SPTLC3: variants seen among roughly 807,000 people sequenced by gnomAD.
The protein encoded by SPTLC3 is serine palmitoyltransferase 3.
In SPTLC3, 36 loss-of-function variants were observed where a neutral mutation model predicts 59.3. That is an observed-to-expected ratio of 0.61 (90% CI 0.47 to 0.80). The LOEUF (loss-of-function observed/expected upper bound fraction) is 0.80. Ranked by LOEUF, SPTLC3 falls within the 30% of genes least tolerant of loss-of-function variation. The pLI is 0.00. For synonymous variants in SPTLC3, 257 were observed against 240.8 expected, an observed-to-expected ratio of 1.07 and a Z score of -0.62; for missense variants, 625 against 685.1, an observed-to-expected ratio of 0.91 and a Z score of 0.98.
At position 13,097,710 on chromosome 20, in the gene SPTLC3, C is replaced by T. The variant is rs532058756; in HGVS notation, c.826+4133C>T. ...GGGATGCAGGTTAGAGCACTGAATC[C>T]TGTCACCAGACAACCCCAAATTAGG... On this transcript the variant is annotated intron_variant, in intron 6 of 11. Coordinates refer to ENST00000399002, the MANE Select transcript of SPTLC3 (RefSeq NM_018327.4). Among the ~76,000 whole-genome samples the T allele has an allele frequency of 2.6e-5, 4 of 152,212 alleles. No homozygotes were observed. The South Asian group carries it at 8.3e-4, about 32-fold the overall frequency.
At chr20:13,016,535 G>A (rs1249669381) in intron 1 of SPTLC3, among the ~76,000 whole-genome samples, 1 of 151,936 alleles carries the variant, frequency 6.6e-6, no homozygotes, top group Non-Finnish European at 1.5e-5. Flanking sequence ...AACAAAACTG[G>A]GACATAAACT....
At chr20:13,105,345 C>G (rs966091934) in intron 6 of SPTLC3, among the ~76,000 whole-genome samples, 2 of 152,104 alleles carry the variant, frequency 1.3e-5, no homozygotes, top group Non-Finnish European at 2.9e-5. Context: ...TGAACTCCAC[C>G]AAAAGCCACT....
chr20:13,082,300 T>A (rs145777578), intron 4 of SPTLC3, among the ~76,000 whole-genome samples: 63 of 152,250 alleles, frequency 4.1e-4, no homozygotes, highest in African/African-American at 1.4e-3. Context: ...AGTCTGTAGG[T>A]CGAGAAGACT....
intron 9 of SPTLC3, among the ~76,000 whole-genome samples, chr20:13,128,855 C>T (rs944662224): frequency 6.7e-6 from 1 of 149,398 alleles, no homozygotes; most frequent in Non-Finnish European, 1.5e-5. Flanking sequence ...CAGGCATGCA[C>T]CACCATGCCC....
chr20:13,123,117 G>A (rs996051705), intron 8 of SPTLC3, among the ~76,000 whole-genome samples: 1 of 152,122 alleles, frequency 6.6e-6, no homozygotes, highest in Non-Finnish European at 1.5e-5. Context: ...GATTACCAGA[G>A]GTCAGGAGTT....
At chr20:13,076,112 A>G (rs1264242005) in intron 4 of SPTLC3, among the ~76,000 whole-genome samples, 1 of 152,152 alleles carries the variant, frequency 6.6e-6, no homozygotes, top group African/African-American at 2.4e-5. Flanking sequence ...GGACTTTAAC[A>G]TTTTTCAAGT....
intron 9 of SPTLC3, among the ~76,000 whole-genome samples, chr20:13,139,396 T>C (rs1427610657): frequency 6.6e-6 from 1 of 152,168 alleles, no homozygotes; most frequent in Non-Finnish European, 1.5e-5. Flanking sequence ...TAGAAATTCA[T>C]TTTTTCCTAA....
chr20:13,065,507 T>G (rs1039150674), intron 2 of SPTLC3, among the ~76,000 whole-genome samples: 2 of 151,964 alleles, frequency 1.3e-5, no homozygotes, highest in Non-Finnish European at 2.9e-5. Flanking sequence ...ACAAAAAAAG[T>G]TGTATTTTAA....
At chr20:13,067,288 A>G (rs144482438) in intron 2 of SPTLC3, among the ~76,000 whole-genome samples, 4 of 151,856 alleles carry the variant, frequency 2.6e-5, no homozygotes, top group African/African-American at 7.3e-5. Flanking sequence ...CTTCTTATTT[A>G]TTAGCCCAAT....
rs192108785 is a variant in SPTLC3, at chr20:13,047,744, A to G, written c.118-1201A>G. Among the ~76,000 whole-genome samples, 63 of 152,298 alleles carry G rather than the reference A, an allele frequency of 4.1e-4. 2 individuals carry two copies. The highest frequency in any genetic ancestry group is 3.3e-3 in the South Asian group (16 of 4,832). Reference sequence around the variant, plus strand: ...TCTACTGAAAAGTGAAATAAAACAGAAAATTTTTTAAACTTTTTACTATGA... The same window carrying G: ...TCTACTGAAAAGTGAAATAAAACAGGAAATTTTTTAAACTTTTTACTATGA... On this transcript the variant is annotated intron_variant, in intron 1 of 11. Transcript: ENST00000399002.
intron 6 of SPTLC3, among the ~76,000 whole-genome samples, chr20:13,106,187 A>C (rs1049959289): frequency 6.6e-6 from 1 of 152,192 alleles, no homozygotes; most frequent in Non-Finnish European, 1.5e-5. Flanking sequence ...AATAATTCTT[A>C]TTTCTATCCA....
chr20:13,052,248 C>A (rs888170503), intron 2 of SPTLC3, among the ~76,000 whole-genome samples: 1 of 152,150 alleles, frequency 6.6e-6, no homozygotes, highest in Non-Finnish European at 1.5e-5. Flanking sequence ...TGCGGCACTG[C>A]CTCACCTGGG....
intron 1 of SPTLC3, among the ~76,000 whole-genome samples, chr20:13,044,128 C>A: frequency 7.2e-6 from 1 of 138,948 alleles, no homozygotes; most frequent in Admixed American, 7.5e-5. Context: ...GAGATGGAGT[C>A]TTGCTCTGTC....
In SPTLC3 at chr20:13,049,117, G is replaced by A. The variant is rs267605838; in HGVS notation, c.290G>A (p.Arg97Lys). 21 of 1,612,848 alleles carry A rather than the reference G, an allele frequency of 1.3e-5. No homozygotes were observed. The highest frequency in any genetic ancestry group is 1.2e-4 in the African/African-American group (9 of 74,812). The change falls in exon 2 of 12, where the codon AGA becomes AAA. Residue 97 changes from arginine to lysine, a missense_variant. By Grantham distance (26) the Arg-to-Lys change is conservative. Coordinates refer to ENST00000399002, the MANE Select transcript of SPTLC3 (RefSeq NM_018327.4). ...GIEKCNAAVERKEQKDFVPLY... is the reference protein window; with the variant it reads ...GIEKCNAAVEKKEQKDFVPLY... ...GAAAAATGCAACGCAGCTGTGGAAA[G>A]AAAAGAACAAAAAGTACGTATGCGC...
rs563390561 is a variant in SPTLC3, at chr20:13,057,932, C to T, written c.303+8802C>T. The stretch of plus-strand genomic sequence containing the variant: ...GAGCATCATCAGAGATTAGAAAATA[C>T]TTCAAGTGCAGCCAATTCTACAGGT... On this transcript the variant is annotated intron_variant, in intron 2 of 11. Transcript: ENST00000399002. Among the ~76,000 whole-genome samples, 4 of 152,296 alleles carry T rather than the reference C, an allele frequency of 2.6e-5. No individual in the cohort carries two copies. In the South Asian group the frequency reaches 8.3e-4, roughly 32 times the overall value.
At chr20:13,108,856 A>G (rs1212604909) in intron 6 of SPTLC3, among the ~76,000 whole-genome samples, 2 of 152,190 alleles carry the variant, frequency 1.3e-5, no homozygotes, top group African/African-American at 4.8e-5. Flanking sequence ...TGGTGTTTCT[A>G]ATGCCTGGTG....
intron 9 of SPTLC3, among the ~76,000 whole-genome samples, chr20:13,137,069 CT>C (rs1460061028): frequency 2.0e-5 from 3 of 152,158 alleles, no homozygotes; most frequent in Non-Finnish European, 4.4e-5. Flanking sequence ...CAAATTAGAG[CT>C]AAGTCCCCCA....
intron 2 of SPTLC3, among the ~76,000 whole-genome samples, chr20:13,054,079 C>T (rs1181261153): frequency 2.0e-5 from 3 of 151,968 alleles, no homozygotes; most frequent in East Asian, 1.9e-4. Context: ...AATAGTAAGG[C>T]AAAGGGTGAA....
Position 13,110,090 on chromosome 20 carries a change from T to G in SPTLC3, c.827-22T>G, listed in dbSNP as rs749343340. The G allele has an allele frequency of 1.9e-6, 3 of 1,577,288 alleles. No homozygotes were observed. The South Asian group carries it at 3.5e-5, about 18-fold the overall frequency. ...AGTAAACCCTTTCATGACTCAATTT[T>G]TTTTTTTGGTATTATTTAAAGACAC... On this transcript the variant is annotated intron_variant, in intron 6 of 11. Transcript: ENST00000399002.
Sources: allele counts gnomAD v4.1 joint callset (sites outside exome capture counted in the v4.1 genomes callset), GRCh38; gene constraint gnomAD v4.1.1; transcripts MANE v1.5; gene names NCBI Gene and HGNC (gene_info 2026-07-23, HGNC 2026-07-21).